Variants in DNAJC5 observed in about 807,000 individuals in gnomAD.
DNAJC5 encodes dnaJ homolog subfamily C member 5.
A neutral mutation model predicts 23.2 loss-of-function variants in DNAJC5; 1 was observed. The ratio of observed to expected loss-of-function variants is 0.04; its 90% CI spans 0.02 to 0.20. DNAJC5 has a LOEUF of 0.20. Ranked by LOEUF, DNAJC5 falls within the 10% of genes least tolerant of loss-of-function variation. DNAJC5 has a pLI of 1.00. For missense variants in DNAJC5, 180 were observed against 267.0 expected, an observed-to-expected ratio of 0.67 and a Z score of 2.27; for synonymous variants, 136 against 120.0, an observed-to-expected ratio of 1.13 and a Z score of -0.87.
rs146901891 is a variant in DNAJC5 at position 63,897,776 on chromosome 20, A to G, written c.-12+2453A>G. 1.2e-4 allele frequency among the ~76,000 whole-genome samples: 19 copies of G among 152,134 alleles called. 1 individual carries two copies. Among genetic ancestry groups the G allele is most frequent in the Admixed American group, 7.9e-4 (12 of 15,264 alleles). ...AGTGACTGTGGCTGATCCCCTTAGC[A>G]TGAGGCCCTTCAGCTGTGGTGCTGT... On this transcript the variant is annotated intron_variant, in intron 1 of 4. Coordinates refer to ENST00000360864, the MANE Select transcript of DNAJC5 (RefSeq NM_025219.3).
At chr20:63,916,774 C>T (rs558345451) in intron 1 of DNAJC5, among the ~76,000 whole-genome samples, 1 of 152,124 alleles carries the variant, frequency 6.6e-6, no homozygotes, top group Non-Finnish European at 1.5e-5. Context: ...GACCTCCCCC[C>T]AGGAATGCAT....
In DNAJC5 at chr20:63,931,051, G is replaced by A. The variant is rs1340243723; in HGVS notation, c.493+29G>A. 1 of 1,610,900 alleles carries A rather than the reference G, an allele frequency of 6.2e-7. No homozygotes were observed. The highest frequency in any genetic ancestry group is 2.2e-5 in the East Asian group (1 of 44,864). ...AGTGCCCGCCCCAGGGCCCGTGTGTGTGTGTGGGGCAGAGCCAGAATGGGC... is the reference window on the plus strand; with the variant it reads ...AGTGCCCGCCCCAGGGCCCGTGTGTATGTGTGGGGCAGAGCCAGAATGGGC... On this transcript the variant is annotated intron_variant, in intron 4 of 4. Transcript: ENST00000360864. The surrounding 1 kb of genome is among the most constrained non-coding windows in gnomAD (Gnocchi z 9.6).
intron 1 of DNAJC5, chr20:63,919,372 G>A (rs1277512830): frequency 1.9e-6 from 1 of 517,564 alleles, no homozygotes; most frequent in Non-Finnish European, 3.8e-6. Flanking sequence ...GACGTGTCCG[G>A]GGAGAGGACG....
In DNAJC5 at chr20:63,930,966, C is replaced by T. The variant is rs779453928; in HGVS notation, c.437C>T (p.Thr146Met). 9.3e-6 allele frequency: 15 copies of T among 1,614,024 alleles called. No individual in the cohort carries two copies. Among genetic ancestry groups the T allele is most frequent in the Admixed American group, 5.0e-5 (3 of 60,006 alleles). ...CKPKAPEGEE[T>M]EFYVSPEDLE... ...CCCAAGGCGCCTGAAGGCGAGGAGA[C>T]GGAGTTCTACGTGTCCCCCGAGGAT... The change falls in exon 4 of 5, where the codon ACG (threonine) becomes ATG (methionine). Residue 146 changes from threonine to methionine, a missense_variant. Physicochemically the swap from Thr to Met is moderately conservative, Grantham distance 81. This residue lies in a region of DNAJC5 where 97 missense variants were observed against 123.4 expected (regional missense o/e 0.79). Transcript: ENST00000360864.
chr20:63,895,349 C>G (rs1229542360), intron 1 of DNAJC5, 26 bp downstream of exon 1: 6 of 145,698 alleles, frequency 4.1e-5, no homozygotes, highest in African/African-American at 1.5e-4. Context: ...GTCGGGCGGG[C>G]GGATCGGCCC....
rs2053634369 is a variant in DNAJC5 at position 63,928,496 on chromosome 20, A to G, written c.107+44A>G. ...CCCCCACATCCCCCCAGGAAGACACACATGCCCCGTGTGGTTTAGTCTGCA... is the reference window on the plus strand; with the variant it reads ...CCCCCACATCCCCCCAGGAAGACACGCATGCCCCGTGTGGTTTAGTCTGCA... On this transcript the variant is annotated intron_variant, in intron 2 of 4. Transcript: ENST00000360864. This position sits in a 1 kb window ranked among gnomAD's most constrained non-coding sequence, Gnocchi z 4.6. 6.6e-7 allele frequency: 1 copy of G among 1,510,090 alleles called. No individual in the cohort carries two copies. The highest frequency in any genetic ancestry group is 9.2e-7 in the Non-Finnish European group (1 of 1,085,848). 93.5% of individuals were successfully genotyped at this position (1,510,090 alleles called of 1,614,324 possible).
In DNAJC5 at chr20:63,929,614, C is replaced by G; in HGVS notation, c.321+89C>G. Reference sequence around the variant, plus strand: ...TCTCCTGCCGTGCGGGCACCCGAGTCACTCCTGCCGTGCGGGCACCCGAGT... The same window carrying G: ...TCTCCTGCCGTGCGGGCACCCGAGTGACTCCTGCCGTGCGGGCACCCGAGT... On this transcript the variant is annotated intron_variant, in intron 3 of 4. Coordinates refer to ENST00000360864, the MANE Select transcript of DNAJC5 (RefSeq NM_025219.3). The surrounding 1 kb of genome is among the most constrained non-coding windows in gnomAD (Gnocchi z 8.6). The G allele has an allele frequency of 7.2e-7, 1 of 1,389,220 alleles. No individual in the cohort carries two copies. Among genetic ancestry groups the G allele is most frequent in the Non-Finnish European group, 1.0e-6 (1 of 1,004,104 alleles). 86.1% of individuals were successfully genotyped at this position (1,389,220 alleles called of 1,614,324 possible).
chr20:63,899,880 C>CTT lies in DNAJC5; in HGVS notation c.-12+4576_-12+4577dup, dbSNP rs1206952926. Among the ~76,000 whole-genome samples, 21 of 114,776 alleles carry CTT rather than the reference C, an allele frequency of 1.8e-4. 4 individuals are homozygous for CTT. Among genetic ancestry groups the CTT allele is most frequent in the South Asian group, 2.8e-4 (1 of 3,598 alleles). The allele number at this position is 114,776 out of a possible 152,430, so 75.3% of individuals were successfully genotyped here. A position where few individuals can be genotyped will look rare whatever the true frequency, so the allele number is the denominator to read the frequency against. On this transcript the variant is annotated intron_variant, in intron 1 of 4. Transcript: ENST00000360864. ...GCAGGTGTGAGCCACTGCGCCTGGG[C>CTT]TTTTTTTTTTTTTTTTTTTTGGTTG...
At chr20:63,895,374 C>A (rs2053367135) in intron 1 of DNAJC5, 51 bp downstream of exon 1, 1 of 143,404 alleles carries the variant, frequency 7.0e-6, no homozygotes, top group African/African-American at 2.5e-5. Flanking sequence ...CAGGCCCGGG[C>A]AGGCGGGCGG....
chr20:63,899,917 C>G (rs1464453355), intron 1 of DNAJC5, among the ~76,000 whole-genome samples: 16 of 127,226 alleles, frequency 1.3e-4, no homozygotes, highest in African/African-American at 4.8e-4. Flanking sequence ...GGGACGGAGT[C>G]TCACTCTGTC....
At chr20:63,912,093 G>A (rs2053486035) in intron 1 of DNAJC5, among the ~76,000 whole-genome samples, 1 of 152,164 alleles carries the variant, frequency 6.6e-6, no homozygotes, top group East Asian at 1.9e-4. Flanking sequence ...ACTTGAGGCC[G>A]GGAGTTTGAG....
rs190028818 is a variant in DNAJC5 at position 63,904,160 on chromosome 20, C to G, written c.-12+8837C>G. Among the ~76,000 whole-genome samples the G allele has an allele frequency of 2.6e-3, 389 of 152,252 alleles. 10 individuals carry two copies. Among genetic ancestry groups the G allele is most frequent in the Admixed American group, 0.023 (353 of 15,284 alleles). On this transcript the variant is annotated intron_variant, in intron 1 of 4. Coordinates refer to ENST00000360864, the MANE Select transcript of DNAJC5 (RefSeq NM_025219.3). ...GCCGAATATGCATTAGCCGTAATCCCCAGGACAGCCATGCAGGGTGGGTCT... is the reference window on the plus strand; with the variant it reads ...GCCGAATATGCATTAGCCGTAATCCGCAGGACAGCCATGCAGGGTGGGTCT...
intron 1 of DNAJC5, among the ~76,000 whole-genome samples, chr20:63,895,783 T>G (rs774142691): frequency 1.3e-4 from 20 of 152,228 alleles, no homozygotes; most frequent in Non-Finnish European, 2.5e-4. Context: ...TGAAAATTGT[T>G]CTGTAACGCA....
rs762761770 is a variant in DNAJC5, at chr20:63,931,109, G to C, written c.493+87G>C. On this transcript the variant is annotated intron_variant, in intron 4 of 4. Coordinates refer to ENST00000360864, the MANE Select transcript of DNAJC5 (RefSeq NM_025219.3). The surrounding 1 kb of genome is among the most constrained non-coding windows in gnomAD (Gnocchi z 9.6). ...GGTGTCAACCTGTCTTGTCAAACAG[G>C]AGGGCACTGACACTGTGCCGCGAGT... The C allele has an allele frequency of 7.1e-7, 1 of 1,402,940 alleles. No homozygotes were observed. The highest frequency in any genetic ancestry group is 9.9e-7 in the Non-Finnish European group (1 of 1,006,440). The allele number at this position is 1,402,940 out of a possible 1,614,324, so 86.9% of individuals were successfully genotyped here. A position where few individuals can be genotyped will look rare whatever the true frequency, so the allele number is the denominator to read the frequency against.
At position 63,928,387 on chromosome 20, in the gene DNAJC5, G is replaced by A. The variant is rs2053633217; in HGVS notation, c.42G>A (p.Glu14=). 6.2e-7 allele frequency: 1 copy of A among 1,614,068 alleles called. No homozygotes were observed. The highest frequency in any genetic ancestry group is 2.2e-5 in the East Asian group (1 of 44,892). ...AGCGCTCACTGTCTACCTCTGGGGA[G>A]TCATTGTACCACGTCCTTGGGTTGG... ...QRQRSLSTSG[E]SLYHVLGLDK... is the part of the protein sequence containing the mutation. The change falls in exon 2 of 5, where the codon GAG becomes GAA. Residue 14 remains glutamate, a synonymous_variant. Coordinates refer to ENST00000360864, the MANE Select transcript of DNAJC5 (RefSeq NM_025219.3). This position sits in a 1 kb window ranked among gnomAD's most constrained non-coding sequence, Gnocchi z 4.6.
intron 1 of DNAJC5, among the ~76,000 whole-genome samples, chr20:63,905,683 C>CTGAG (rs2053444369): frequency 6.6e-6 from 1 of 151,848 alleles, no homozygotes; most frequent in Non-Finnish European, 1.5e-5. Flanking sequence ...AATTCTCCTG[C>CTGAG]CTCAGCCTCC....
intron 1 of DNAJC5, among the ~76,000 whole-genome samples, chr20:63,918,129 G>A (rs987806016): frequency 6.6e-6 from 1 of 151,866 alleles, no homozygotes; most frequent in Non-Finnish European, 1.5e-5. Context: ...ATCAGTTGTG[G>A]TCTATTCACA....
intron 1 of DNAJC5, among the ~76,000 whole-genome samples, chr20:63,898,766 G>A (rs1469018171): frequency 3.3e-5 from 5 of 152,104 alleles, no homozygotes; most frequent in Non-Finnish European, 7.4e-5. Context: ...GCTTGAACCC[G>A]GGAGGCAGAG....
At position 63,928,364 on chromosome 20, in the gene DNAJC5, C is replaced by G; in HGVS notation, c.19C>G (p.Arg7Gly). ...GCCTAACATGGCAGACCAGAGACAG[C>G]GCTCACTGTCTACCTCTGGGGAGTC... MADQRQ[R>G]SLSTSGESLY... Residue 7 changes from arginine (R) to glycine (G), a missense_variant, in exon 2 of 5, where the codon CGC becomes GGC. Arg to Gly is a moderately radical substitution (Grantham distance 125, BLOSUM62 -2). Coordinates refer to ENST00000360864, the MANE Select transcript of DNAJC5 (RefSeq NM_025219.3). The surrounding 1 kb of genome is among the most constrained non-coding windows in gnomAD (Gnocchi z 4.6). The G allele has an allele frequency of 6.2e-7, 1 of 1,613,598 alleles. No homozygotes were observed.
Sources: allele counts gnomAD v4.1 joint callset (sites outside exome capture counted in the v4.1 genomes callset), GRCh38; gene constraint gnomAD v4.1.1; regional missense constraint gnomAD v4.1.1; non-coding constraint Gnocchi (gnomAD v3.1); transcripts MANE v1.5; gene names NCBI Gene and HGNC (gene_info 2026-07-23, HGNC 2026-07-21).